Variants in AAK1 observed in about 807,000 individuals in gnomAD.
The protein encoded by AAK1 is AP2 associated kinase 1, also known as AP2-associated protein kinase 1.
In AAK1, 37 loss-of-function variants were observed where a neutral mutation model predicts 116.0. That is an observed-to-expected ratio of 0.32 (90% CI 0.25 to 0.42). AAK1 has a LOEUF of 0.42. Among genes scored for constraint, AAK1 ranks in the 10% least tolerant of loss-of-function variants. The pLI is 1.00. For synonymous variants in AAK1, 458 were observed against 439.9 expected (o/e 1.04, Z -0.51); for missense variants, 919 against 1,170.6 (o/e 0.79, Z 3.14).
intron 2 of AAK1, among the ~76,000 whole-genome samples, chr2:69,622,411 G>A (rs1342002625): frequency 6.6e-6 from 1 of 152,226 alleles, no homozygotes; most frequent in Non-Finnish European, 1.5e-5. Flanking sequence ...ACTGCCCAAG[G>A]GCTGAGGAGT....
At position 69,458,063 on chromosome 2, in the gene AAK1, T is replaced by C. The variant is rs1674255941; in HGVS notation, c.*17806A>G. On this transcript the variant is annotated 3_prime_UTR_variant, in exon 22 of 22. Coordinates refer to ENST00000409085, the MANE Select transcript of AAK1 (RefSeq NM_014911.5). Reference sequence around the variant, plus strand: ...ACAACTCAAAACAATTCATAAAACCTATCAGATACATACGATAAATCACAC... The same window carrying C: ...ACAACTCAAAACAATTCATAAAACCCATCAGATACATACGATAAATCACAC... The C allele has an allele frequency of 6.6e-6, 1 of 152,168 alleles. No individual in the cohort carries two copies. Among genetic ancestry groups the C allele is most frequent in the South Asian group, 2.1e-4 (1 of 4,822 alleles). 9.4% of individuals were successfully genotyped at this position (152,168 alleles called of 1,614,324 possible).
intron 2 of AAK1, among the ~76,000 whole-genome samples, chr2:69,582,389 G>C (rs1393911110): frequency 6.6e-6 from 1 of 150,570 alleles, no homozygotes; most frequent in East Asian, 1.9e-4. Context: ...GTGTGCACGT[G>C]TGTGTGTGCG....
chr2:69,580,378 T>G (rs75211692), intron 2 of AAK1, among the ~76,000 whole-genome samples: 6,729 of 152,300 alleles, frequency 0.044, 402 homozygotes, highest in East Asian at 0.16. Flanking sequence ...ACTCAGATTC[T>G]TTCCTGGAAA....
chr2:69,581,454 A>AT (rs889900054), intron 2 of AAK1, among the ~76,000 whole-genome samples: 4 of 152,046 alleles, frequency 2.6e-5, no homozygotes, highest in Admixed American at 1.3e-4. Flanking sequence ...GAGTGAATGT[A>AT]TTTTTTTCTG....
chr2:69,519,755 T>C (rs1425867028), intron 11 of AAK1, among the ~76,000 whole-genome samples: 1 of 151,628 alleles, frequency 6.6e-6, no homozygotes. Context: ...AGCTTACTTA[T>C]TTCATTAGAA....
rs1397939375 is a variant in AAK1, at chr2:69,471,664, A to C, written c.*4205T>G. ...CAGAGAAGGTTAAGGACTCTGGGAA[A>C]TCACAGAAAAACCTTATCAAGAGAG... is the stretch of plus-strand genomic sequence containing the variant. On this transcript the variant is annotated 3_prime_UTR_variant, in exon 22 of 22. Transcript: ENST00000409085. The C allele has an allele frequency of 1.0e-6, 1 of 985,284 alleles. No homozygotes were observed. Among genetic ancestry groups the C allele is most frequent in the African/African-American group, 1.7e-5 (1 of 57,238 alleles). The allele number at this position is 985,284 out of a possible 1,614,324, so 61.0% of individuals were successfully genotyped here.
intron 3 of AAK1, among the ~76,000 whole-genome samples, chr2:69,548,851 C>T (rs1359769758): frequency 1.3e-5 from 2 of 152,086 alleles, no homozygotes; most frequent in African/African-American, 4.8e-5. Context: ...GATCCACCTG[C>T]CTTGGCCTCC....
chr2:69,609,863 C>T (rs1330339945), intron 2 of AAK1, among the ~76,000 whole-genome samples: 1 of 151,858 alleles, frequency 6.6e-6, no homozygotes, highest in African/African-American at 2.4e-5. Flanking sequence ...TCCTGACTAA[C>T]ATGGTGAAAC....
At chr2:69,478,010 G>A (rs1674916055) in intron 20 of AAK1, among the ~76,000 whole-genome samples, 1 of 152,202 alleles carries the variant, frequency 6.6e-6, no homozygotes, top group South Asian at 2.1e-4. Flanking sequence ...TCTGATTCAA[G>A]CTACCTCTGT....
intron 12 of AAK1, among the ~76,000 whole-genome samples, chr2:69,518,712 C>T (rs537686520): frequency 1.3e-3 from 193 of 151,982 alleles, no homozygotes; most frequent in Non-Finnish European, 2.4e-3. Context: ...CCACTGCACC[C>T]GGCCAAAAAA....
chr2:69,473,323 A>G lies in AAK1; in HGVS notation c.*2546T>C, dbSNP rs1157031836. On this transcript the variant is annotated 3_prime_UTR_variant, in exon 22 of 22. Coordinates refer to ENST00000409085, the MANE Select transcript of AAK1 (RefSeq NM_014911.5). Reference sequence around the variant, plus strand: ...CAAAGGTCCCTTTGTAGCTCAGGCTATGATTCCACAGGTACCAGGACACTA... The same window carrying G: ...CAAAGGTCCCTTTGTAGCTCAGGCTGTGATTCCACAGGTACCAGGACACTA... 1 of 985,472 alleles carries G rather than the reference A, an allele frequency of 1.0e-6. No homozygotes were observed. Among genetic ancestry groups the G allele is most frequent in the African/African-American group, 1.7e-5 (1 of 57,374 alleles). The allele number at this position is 985,472 out of a possible 1,614,324, so 61.0% of individuals were successfully genotyped here.
chr2:69,484,375 C>T (rs1168164418), intron 17 of AAK1, among the ~76,000 whole-genome samples: 2 of 152,160 alleles, frequency 1.3e-5, no homozygotes, highest in South Asian at 2.1e-4. Flanking sequence ...GTATAATTAA[C>T]ACACTGCAGA....
At chr2:69,587,474 TATA>T (rs1558982972) in intron 2 of AAK1, among the ~76,000 whole-genome samples, 3 of 138,768 alleles carry the variant, frequency 2.2e-5, no homozygotes, top group East Asian at 5.4e-4. Flanking sequence ...TATATATATA[TATA>T]TTTTTTTGAT....
At position 69,607,181 on chromosome 2, in the gene AAK1, G is replaced by T. The variant is rs1003164064; in HGVS notation, c.163+35697C>A. On this transcript the variant is annotated intron_variant, in intron 2 of 21. Coordinates refer to ENST00000409085, the MANE Select transcript of AAK1 (RefSeq NM_014911.5). ...ATTTCAAATTAAGGGTCAGAGAAGGGTTCCCCAAGAAGGTGACATATGAAC... is the reference window on the plus strand; with the variant it reads ...ATTTCAAATTAAGGGTCAGAGAAGGTTTCCCCAAGAAGGTGACATATGAAC... Among the ~76,000 whole-genome samples, 6 of 152,078 alleles carry T rather than the reference G, an allele frequency of 3.9e-5. No homozygotes were observed. The South Asian group carries it at 1.2e-3, about 32-fold the overall frequency.
chr2:69,604,276 C>T (rs145976436), intron 2 of AAK1, among the ~76,000 whole-genome samples: 64 of 152,282 alleles, frequency 4.2e-4, no homozygotes, highest in African/African-American at 1.4e-3. Flanking sequence ...TCTGGGGTGA[C>T]GTAGAGTGAA....
intron 2 of AAK1, among the ~76,000 whole-genome samples, chr2:69,603,087 A>C (rs922627023): frequency 2.6e-5 from 4 of 152,204 alleles, no homozygotes; most frequent in Non-Finnish European, 5.9e-5. Flanking sequence ...CATTAAAATA[A>C]TTTATCAGTT....
At chr2:69,638,036 C>T (rs912587325) in intron 2 of AAK1, among the ~76,000 whole-genome samples, 2 of 152,192 alleles carry the variant, frequency 1.3e-5, no homozygotes, top group Non-Finnish European at 2.9e-5. Context: ...AAGCTACAAC[C>T]GTCATCATGC....
chr2:69,503,790 G>C (rs2104954226), intron 16 of AAK1, among the ~76,000 whole-genome samples: 1 of 152,082 alleles, frequency 6.6e-6, no homozygotes, highest in East Asian at 1.9e-4. Context: ...CAAAGTGCTG[G>C]GATTACAGGT....
intron 2 of AAK1, chr2:69,597,611 TGTAATCC>T (rs1360563790): frequency 6.6e-6 from 1 of 152,422 alleles, no homozygotes; most frequent in Non-Finnish European, 1.5e-5. Context: ...GGCTCATGCC[TGTAATCC>T]CAACACTTTG....
Sources: gnomAD v4.1 joint callset for allele counts (sites outside exome capture counted in the v4.1 genomes callset) on GRCh38, gnomAD v4.1.1 for gene constraint, MANE v1.5 for transcripts, NCBI Gene and HGNC (gene_info 2026-07-23, HGNC 2026-07-21) for gene names.